SAMMSON: variants seen among roughly 807,000 people sequenced by gnomAD.
SAMMSON encodes long intergenic non-protein coding RNA 1212.
chr3:70,423,116 A>G (rs1701325422), intron 2 of SAMMSON, among the ~76,000 whole-genome samples: 1 of 152,096 alleles, frequency 6.6e-6, no homozygotes, highest in Non-Finnish European at 1.5e-5. Context: ...ATAAATAGAT[A>G]TGTGTACATG....
chr3:70,286,176 C>T, intron 6 of SAMMSON, among the ~76,000 whole-genome samples: 1 of 152,134 alleles, frequency 6.6e-6, no homozygotes, highest in Admixed American at 6.6e-5. Context: ...TTCTTCTAGG[C>T]TTTTTATGGT....
intron 6 of SAMMSON, among the ~76,000 whole-genome samples, chr3:70,264,214 A>G (rs1701893741): frequency 1.3e-5 from 2 of 152,244 alleles, no homozygotes; most frequent in South Asian, 2.1e-4. Flanking sequence ...GGCAATGGCA[A>G]TGACTTGAAC....
chr3:70,236,566 T>G (rs144606586), intron 4 of SAMMSON, among the ~76,000 whole-genome samples: 1 of 152,152 alleles, frequency 6.6e-6, no homozygotes, highest in Non-Finnish European at 1.5e-5. Flanking sequence ...ATACTCCTTT[T>G]GGGGCCTGTA....
chr3:70,360,243 A>G (rs12629948), intron 9 of SAMMSON, among the ~76,000 whole-genome samples: 3 of 152,052 alleles, frequency 2.0e-5, no homozygotes, highest in Non-Finnish European at 4.4e-5. Context: ...CCTCATATGG[A>G]TTAAAACATG....
At position 70,387,549 on chromosome 3, in the gene SAMMSON, C is replaced by T. The variant is rs1023716625; in HGVS notation, n.914-2025C>T. On this transcript the variant is annotated intron_variant and non_coding_transcript_variant, in intron 9 of 9. Transcript: ENST00000642114. ...GGGTGGATATATTTTCTCACCTGCA[C>T]AATTAACTTGAAGTTATTTTTGGAA... 2.6e-5 allele frequency among the ~76,000 whole-genome samples: 4 copies of T among 151,998 alleles called. No homozygotes were observed. In the East Asian group the frequency reaches 7.7e-4, roughly 29 times the overall value.
intron 4 of SAMMSON, among the ~76,000 whole-genome samples, chr3:70,144,973 C>A (rs928426988): frequency 2.0e-5 from 3 of 152,062 alleles, no homozygotes; most frequent in Non-Finnish European, 1.5e-5. Flanking sequence ...GCTTAAATGT[C>A]TCTTTTTGCT....
chr3:70,152,611 A>C (rs1431727203), intron 4 of SAMMSON, among the ~76,000 whole-genome samples: 2 of 151,998 alleles, frequency 1.3e-5, no homozygotes, highest in Non-Finnish European at 2.9e-5. Context: ...GTGGCAATGG[A>C]CTATTTTCCC....
At chr3:70,198,441 T>A (rs987584870) in intron 4 of SAMMSON, among the ~76,000 whole-genome samples, 2 of 152,214 alleles carry the variant, frequency 1.3e-5, no homozygotes, top group East Asian at 3.9e-4. Context: ...CATATAATAG[T>A]CTTTAAGTGA....
At chr3:70,238,385 G>T (rs1471923070) in intron 4 of SAMMSON, among the ~76,000 whole-genome samples, 2 of 152,126 alleles carry the variant, frequency 1.3e-5, no homozygotes, top group African/African-American at 4.8e-5. Context: ...GAGGCAAGAG[G>T]ATCATTTGAG....
At chr3:70,394,121 G>C (rs1701072074), downstream of SAMMSON, among the ~76,000 whole-genome samples, 1 of 152,164 alleles carries the variant, frequency 6.6e-6, no homozygotes, top group African/African-American at 2.4e-5. Flanking sequence ...TGCCAGATTG[G>C]CTCTGGGAGT....
chr3:70,135,884 A>C (rs1048227623), intron 4 of SAMMSON, among the ~76,000 whole-genome samples: 1 of 150,824 alleles, frequency 6.6e-6, no homozygotes, highest in African/African-American at 2.4e-5. Flanking sequence ...TAATCACTTG[A>C]GCATGTGGCT....
intron 7 of SAMMSON, among the ~76,000 whole-genome samples, chr3:70,333,077 T>C (rs1402911194): frequency 6.6e-6 from 1 of 152,216 alleles, no homozygotes; most frequent in Non-Finnish European, 1.5e-5. Context: ...AATTCCTTTA[T>C]GTTCTGTCTT....
At chr3:70,035,807 T>C (rs1325387284) in intron 3 of SAMMSON, among the ~76,000 whole-genome samples, 1 of 152,208 alleles carries the variant, frequency 6.6e-6, no homozygotes, top group African/African-American at 2.4e-5. Flanking sequence ...TGTACAAATG[T>C]GTCTTGTGAT....
At chr3:70,019,534 C>G (rs916826736) in intron 3 of SAMMSON, among the ~76,000 whole-genome samples, 3 of 152,138 alleles carry the variant, frequency 2.0e-5, no homozygotes, top group African/African-American at 7.2e-5. Flanking sequence ...GACTCTTTAT[C>G]CAATTGGCCA....
chr3:70,286,279 C>A (rs549700645), intron 6 of SAMMSON, among the ~76,000 whole-genome samples: 2 of 152,180 alleles, frequency 1.3e-5, no homozygotes, highest in African/African-American at 4.8e-5. Flanking sequence ...CTACATATGG[C>A]TAGCCAGTTT....
intron 4 of SAMMSON, among the ~76,000 whole-genome samples, chr3:70,121,301 C>T (rs549271193): frequency 7.8e-4 from 119 of 152,208 alleles, no homozygotes; most frequent in Non-Finnish European, 1.4e-3. Flanking sequence ...GTCCCTGGCC[C>T]GAGGGTTGGG....
At chr3:70,043,289 T>C (rs1268695789) in intron 3 of SAMMSON, among the ~76,000 whole-genome samples, 1 of 152,150 alleles carries the variant, frequency 6.6e-6, no homozygotes. Context: ...CATCCGTCTT[T>C]AATTTAATCT....
intron 4 of SAMMSON, among the ~76,000 whole-genome samples, chr3:70,228,515 G>A (rs2106742442): frequency 6.6e-6 from 1 of 151,828 alleles, no homozygotes; most frequent in Non-Finnish European, 1.5e-5. Flanking sequence ...CCCTGTTATA[G>A]TTTTTCTAAG....
rs12494354 is a variant in SAMMSON, at chr3:70,388,955, C to T, written n.914-619C>T. Among the ~76,000 whole-genome samples the T allele has an allele frequency of 6.3e-3, 957 of 152,126 alleles. 5 individuals carry two copies. The highest frequency in any genetic ancestry group is 9.9e-3 in the Non-Finnish European group (670 of 67,966). On this transcript the variant is annotated intron_variant and non_coding_transcript_variant, in intron 9 of 9. Coordinates refer to ENST00000642114, the Ensembl canonical transcript of SAMMSON. ...CAAATCTCTCATCAATAGGTTAATG[C>T]CATCCCTTGGGGTGAGGGAGTTCTC... is the stretch of plus-strand genomic sequence containing the variant.
Sources: gnomAD v4.1 joint callset for allele counts (sites outside exome capture counted in the v4.1 genomes callset) on GRCh38, gnomAD v4.1.1 for gene constraint, MANE v1.5 for transcripts, NCBI Gene and HGNC (gene_info 2026-07-23, HGNC 2026-07-21) for gene names.